The following NWD2 variants were observed in gnomAD, a reference collection of about 807,000 sequenced individuals.
NWD2 encodes the protein NACHT and WD repeat domain containing 2.
Under a neutral mutation model 132.7 loss-of-function variants are expected in NWD2, and 37 were observed. The observed-to-expected ratio is 0.28, with a 90% CI of 0.21 to 0.37. NWD2 has a LOEUF of 0.37. Ranked by LOEUF, NWD2 falls within the 10% of genes least tolerant of loss-of-function variation. NWD2 has a pLI of 1.00. For synonymous variants in NWD2, 705 were observed against 803.0 expected, an observed-to-expected ratio of 0.88 and a Z score of 2.06; for missense variants, 1,592 against 2,122.4, an observed-to-expected ratio of 0.75 and a Z score of 4.91.
intron 3 of NWD2, among the ~76,000 whole-genome samples, chr4:37,403,387 G>C (rs1401591509): frequency 6.6e-6 from 1 of 152,126 alleles, no homozygotes; most frequent in Admixed American, 6.6e-5. Context: ...GAACATGAAG[G>C]GTCCAGAATA....
intron 1 of NWD2, among the ~76,000 whole-genome samples, chr4:37,324,657 A>G (rs926982256): frequency 3.9e-5 from 6 of 152,126 alleles, no homozygotes; most frequent in African/African-American, 1.4e-4. Context: ...ACTTAGAACT[A>G]TATTGAATCT....
At position 37,444,431 on chromosome 4, in the gene NWD2, TG is replaced by T; in HGVS notation, c.2446del (p.Val816PhefsTer26). 6.4e-7 allele frequency: 1 copy of T among 1,552,060 alleles called. No individual in the cohort carries two copies. Among genetic ancestry groups the T allele is most frequent in the African/African-American group, 1.4e-5 (1 of 73,152 alleles). On this transcript the variant is annotated frameshift_variant, in exon 7 of 7. Transcript: ENST00000309447. LOFTEE classifies it high-confidence loss of function. The surrounding 1 kb of genome is among the most constrained non-coding windows in gnomAD (Gnocchi z 4.8). ...TGACAGGCAGGCTCCAGACCAGCCCTGGGTTTTCCAGTGTAATCCCCTGGAA... is the reference window on the plus strand; with the variant it reads ...TGACAGGCAGGCTCCAGACCAGCCCTGGTTTTCCAGTGTAATCCCCTGGAA... ...SFDRQAPDQP[W>X]VFQCNPLEPD...
At chr4:37,334,015 C>T (rs949658568) in intron 2 of NWD2, among the ~76,000 whole-genome samples, 3 of 151,828 alleles carry the variant, frequency 2.0e-5, no homozygotes, top group Middle Eastern at 3.4e-3. Context: ...TTTGAAAATA[C>T]ACAGAGGAGA....
At chr4:37,260,045 G>A (rs1717597262) in intron 1 of NWD2, among the ~76,000 whole-genome samples, 1 of 152,186 alleles carries the variant, frequency 6.6e-6, no homozygotes, top group South Asian at 2.1e-4. Flanking sequence ...TTATTTTTAT[G>A]GGCAGTTTCA....
intron 3 of NWD2, among the ~76,000 whole-genome samples, chr4:37,394,787 T>A (rs1376612901): frequency 7.1e-6 from 1 of 141,230 alleles, no homozygotes; most frequent in East Asian, 2.1e-4. Context: ...TCCTCTATAG[T>A]GAACCTTTAT....
chr4:37,391,517 T>C (rs142724639), intron 3 of NWD2, among the ~76,000 whole-genome samples: 2 of 152,282 alleles, frequency 1.3e-5, no homozygotes, highest in South Asian at 2.1e-4. Flanking sequence ...AGGTTAATAA[T>C]TGTCTTGTTT....
chr4:37,406,338 T>C (rs1721002438), intron 3 of NWD2, among the ~76,000 whole-genome samples: 2 of 152,078 alleles, frequency 1.3e-5, no homozygotes, highest in Non-Finnish European at 2.9e-5. Flanking sequence ...GCTTCATAAT[T>C]GATACAGTGG....
intron 1 of NWD2, among the ~76,000 whole-genome samples, chr4:37,280,211 A>C (rs1175060932): frequency 1.3e-5 from 2 of 152,230 alleles, no homozygotes; most frequent in African/African-American, 2.4e-5. Flanking sequence ...CCAAACTTCT[A>C]AATAAAAACC....
intron 1 of NWD2, among the ~76,000 whole-genome samples, chr4:37,269,931 A>T (rs1393186516): frequency 2.0e-5 from 3 of 151,800 alleles, no homozygotes; most frequent in Non-Finnish European, 4.4e-5. Context: ...CAATTTCTGA[A>T]ACTGGTTGTA....
intron 2 of NWD2, among the ~76,000 whole-genome samples, chr4:37,339,590 GC>G (rs1351304869): frequency 5.1e-4 from 77 of 152,300 alleles, no homozygotes; most frequent in African/African-American, 1.8e-3. Flanking sequence ...AGAGAGGGTT[GC>G]CCATTTGCAG....
chr4:37,274,524 C>T (rs920481033), intron 1 of NWD2, among the ~76,000 whole-genome samples: 2 of 152,184 alleles, frequency 1.3e-5, no homozygotes, highest in African/African-American at 4.8e-5. Flanking sequence ...TGGTACCATT[C>T]CTTCTGAAAC....
At chr4:37,387,436 G>A (rs548272817) in intron 3 of NWD2, among the ~76,000 whole-genome samples, 2 of 151,926 alleles carry the variant, frequency 1.3e-5, no homozygotes, top group East Asian at 3.9e-4. Context: ...CTACCATATT[G>A]GATGTGGCAA....
At chr4:37,353,599 T>C (rs1384857092) in intron 2 of NWD2, among the ~76,000 whole-genome samples, 1 of 151,994 alleles carries the variant, frequency 6.6e-6, no homozygotes, top group African/African-American at 2.4e-5. Flanking sequence ...AAGTTGATCT[T>C]CAATCTCTGA....
chr4:37,322,172 A>G (rs540022780), intron 1 of NWD2, among the ~76,000 whole-genome samples: 2 of 152,296 alleles, frequency 1.3e-5, no homozygotes, highest in South Asian at 2.1e-4. Flanking sequence ...CAAGACTCCA[A>G]TCATTAGAGA....
Position 37,313,684 on chromosome 4 carries a change from TTTTG to T in NWD2, c.152-12237_152-12234del, listed in dbSNP as rs559932114. 1.9e-3 allele frequency among the ~76,000 whole-genome samples: 283 copies of T among 151,022 alleles called. 18 individuals carry two copies. The highest frequency in any genetic ancestry group is 6.5e-3 in the African/African-American group (261 of 40,386). On this transcript the variant is annotated intron_variant, in intron 1 of 6. Transcript: ENST00000309447. ...CGTTTCTATTCCTTGTTGATGAGTTTTTTGTTTGTTTGTTTGTTGTTTGTTTGTT... is the reference window on the plus strand; with the variant it reads ...CGTTTCTATTCCTTGTTGATGAGTTTTTTGTTTGTTTGTTGTTTGTTTGTT...
intron 1 of NWD2, among the ~76,000 whole-genome samples, chr4:37,263,642 T>C (rs1717693476): frequency 6.6e-6 from 1 of 151,564 alleles, no homozygotes; most frequent in Non-Finnish European, 1.5e-5. Flanking sequence ...GATAGATTAA[T>C]GCTAATTGTT....
At chr4:37,407,385 G>A (rs1035793712) in intron 3 of NWD2, among the ~76,000 whole-genome samples, 1 of 152,190 alleles carries the variant, frequency 6.6e-6, no homozygotes. Flanking sequence ...AGATCTTGGA[G>A]GGCTTGTTAA....
At chr4:37,293,091 G>A (rs1718398762) in intron 1 of NWD2, among the ~76,000 whole-genome samples, 2 of 152,130 alleles carry the variant, frequency 1.3e-5, no homozygotes, top group Non-Finnish European at 2.9e-5. Flanking sequence ...GCTGGTACTG[G>A]GACTAATGTT....
intron 1 of NWD2, among the ~76,000 whole-genome samples, chr4:37,315,917 G>T (rs7678358): frequency 0.073 from 11,057 of 151,774 alleles, 1,234 homozygotes; most frequent in African/African-American, 0.24. Flanking sequence ...ACTTAATTTT[G>T]TTAAAGCAAA....
Sources: allele counts gnomAD v4.1 joint callset (sites outside exome capture counted in the v4.1 genomes callset), GRCh38; gene constraint gnomAD v4.1.1; non-coding constraint Gnocchi (gnomAD v3.1); transcripts MANE v1.5; gene names NCBI Gene and HGNC (gene_info 2026-07-23, HGNC 2026-07-21).